Variants in SLC44A5 observed in about 807,000 individuals in gnomAD.
The protein encoded by SLC44A5 is solute carrier family 44 member 5, also known as choline transporter-like protein 5.
SLC44A5 carries 57 observed loss-of-function variants against 101.8 expected under a neutral mutation model. The ratio of observed to expected loss-of-function variants is 0.56; its 90% confidence interval spans 0.45 to 0.70. The LOEUF is 0.70. Ranked by LOEUF, SLC44A5 falls within the 30% of genes least tolerant of loss-of-function variation. SLC44A5 has a pLI of 0.00. For missense variants in SLC44A5, 737 were observed against 853.1 expected (o/e 0.86, Z 1.70); for synonymous variants, 281 against 290.9 (o/e 0.97, Z 0.35).
chr1:75,212,077 A>C (rs1362111208), intron 22 of SLC44A5, among the ~76,000 whole-genome samples: 1 of 152,038 alleles, frequency 6.6e-6, no homozygotes, highest in Admixed American at 6.6e-5. Flanking sequence ...GAGAGAACAA[A>C]TTTTTGTATC....
chr1:75,462,776 G>T (rs1666576845), intron 2 of SLC44A5, among the ~76,000 whole-genome samples: 1 of 151,970 alleles, frequency 6.6e-6, no homozygotes, highest in Admixed American at 6.6e-5. Flanking sequence ...TTTAATAACA[G>T]AAATGATCAA....
the SLC44A5 span, among the ~76,000 whole-genome samples, chr1:75,715,552 T>C: frequency 2.0e-5 from 3 of 152,140 alleles, no homozygotes; most frequent in African/African-American, 4.8e-5. Context: ...CGGATAAGAC[T>C]CCCTATTCAA....
chr1:75,678,068 G>T, the SLC44A5 span, among the ~76,000 whole-genome samples: 2 of 152,090 alleles, frequency 1.3e-5, no homozygotes, highest in Admixed American at 6.5e-5. Flanking sequence ...CTTAGAAAAC[G>T]GCGCACCACG....
At chr1:75,216,738 C>T (rs1646969394) in intron 18 of SLC44A5, among the ~76,000 whole-genome samples, 1 of 151,856 alleles carries the variant, frequency 6.6e-6, no homozygotes, top group Admixed American at 6.6e-5. Context: ...TCCTCATTGG[C>T]CATTTGTATA....
At chr1:75,399,093 G>T (rs1348139306) in intron 2 of SLC44A5, among the ~76,000 whole-genome samples, 5 of 151,976 alleles carry the variant, frequency 3.3e-5, no homozygotes, top group Non-Finnish European at 7.4e-5. Flanking sequence ...ACTGGTAGGA[G>T]ATGGAGGTGG....
chr1:75,243,616 A>G (rs1648852495), intron 7 of SLC44A5, among the ~76,000 whole-genome samples: 1 of 152,098 alleles, frequency 6.6e-6, no homozygotes, highest in Non-Finnish European at 1.5e-5. Flanking sequence ...GAGGAATAAT[A>G]GGGATTTCAC....
chr1:75,264,062 T>C (rs1384649541), intron 6 of SLC44A5, among the ~76,000 whole-genome samples: 1 of 149,704 alleles, frequency 6.7e-6, no homozygotes, highest in Admixed American at 6.7e-5. Flanking sequence ...CAAACCACCA[T>C]GGCACGTGTA....
In SLC44A5 at chr1:75,475,029, G is replaced by A. The variant is rs535731793; in HGVS notation, c.13+66406C>T. Among the ~76,000 whole-genome samples the A allele has an allele frequency of 3.1e-3, 476 of 152,318 alleles. 3 individuals carry two copies. Among genetic ancestry groups the A allele is most frequent in the Admixed American group, 4.6e-3 (70 of 15,300 alleles). ...AGTAAAATCGTTGTGTGTCGCCCCT[G>A]AGTTATTCACACATCAGCAGGAAGT... On this transcript the variant is annotated intron_variant, in intron 2 of 23. Transcript: ENST00000370859.
chr1:75,262,460 C>A (rs1449894546), intron 6 of SLC44A5, among the ~76,000 whole-genome samples: 1 of 152,116 alleles, frequency 6.6e-6, no homozygotes, highest in Non-Finnish European at 1.5e-5. Flanking sequence ...GAACTACAAA[C>A]CACTGTTCAA....
intron 1 of SLC44A5, among the ~76,000 whole-genome samples, chr1:75,585,257 A>T (rs1239017456): frequency 6.6e-6 from 1 of 152,244 alleles, no homozygotes; most frequent in Non-Finnish European, 1.5e-5. Context: ...TTTCTGGTAG[A>T]TCACATAAAC....
chr1:75,374,482 G>A (rs1229341297), intron 3 of SLC44A5, among the ~76,000 whole-genome samples: 1 of 152,168 alleles, frequency 6.6e-6, no homozygotes, highest in Admixed American at 6.5e-5. Flanking sequence ...CTAAGGAAAT[G>A]CAGGCGTGAT....
intron 2 of SLC44A5, among the ~76,000 whole-genome samples, chr1:75,528,301 CAGACA>C (rs1670530409): frequency 6.6e-6 from 1 of 151,820 alleles, no homozygotes; most frequent in African/African-American, 2.4e-5. Context: ...GTGTCAAGAA[CAGACA>C]AGACATTTCA....
chr1:75,387,641 A>AACACT (rs1262758511), intron 3 of SLC44A5, among the ~76,000 whole-genome samples: 1 of 96,868 alleles, frequency 1.0e-5, no homozygotes, highest in African/African-American at 4.1e-5. Context: ...ACCATTGTGG[A>AACACT]AGTCAGTGTG....
chr1:75,496,085 A>G (rs546957935), intron 2 of SLC44A5, among the ~76,000 whole-genome samples: 33 of 152,232 alleles, frequency 2.2e-4, no homozygotes, highest in African/African-American at 7.9e-4. Context: ...TTTAAAAGCA[A>G]TTTTCACAGA....
the SLC44A5 span, among the ~76,000 whole-genome samples, chr1:75,675,745 AC>A: frequency 6.6e-6 from 1 of 152,228 alleles, no homozygotes; most frequent in Non-Finnish European, 1.5e-5. Flanking sequence ...AGCAAAAGAA[AC>A]TATCATCAGA....
intron 23 of SLC44A5, among the ~76,000 whole-genome samples, chr1:75,208,305 C>A (rs182861059): frequency 1.3e-5 from 2 of 152,168 alleles, no homozygotes; most frequent in East Asian, 3.9e-4. Flanking sequence ...ATTATAGGTA[C>A]CTGCCACCAT....
intron 2 of SLC44A5, among the ~76,000 whole-genome samples, chr1:75,481,123 TG>T (rs1399419824): frequency 1.3e-5 from 2 of 152,202 alleles, no homozygotes; most frequent in African/African-American, 4.8e-5. Flanking sequence ...ATCTGATCTT[TG>T]GCAAACCTGA....
At chr1:75,673,854 T>G in the SLC44A5 span, among the ~76,000 whole-genome samples, 8 of 152,212 alleles carry the variant, frequency 5.3e-5, no homozygotes, top group East Asian at 1.9e-4. Flanking sequence ...ATTGTTTCAC[T>G]GAGCTTGGGG....
At chr1:75,274,593 C>A (rs560146257) in intron 6 of SLC44A5, among the ~76,000 whole-genome samples, 24 of 152,226 alleles carry the variant, frequency 1.6e-4, no homozygotes, top group African/African-American at 5.3e-4. Context: ...ATAATCTTAA[C>A]AATTGGACTG....
Sources: gnomAD v4.1 joint callset for allele counts (sites outside exome capture counted in the v4.1 genomes callset) on GRCh38, gnomAD v4.1.1 for gene constraint, MANE v1.5 for transcripts, NCBI Gene and HGNC (gene_info 2026-07-23, HGNC 2026-07-21) for gene names.